CRTC3: variants seen among roughly 807,000 people sequenced by gnomAD.
CRTC3 encodes CREB regulated transcription coactivator 3.
A neutral mutation model predicts 74.5 loss-of-function variants in CRTC3; 26 were observed. The observed-to-expected ratio is 0.35, with a 90% CI of 0.26 to 0.48. The LOEUF is 0.48. Ranked by LOEUF, CRTC3 falls within the 20% of genes least tolerant of loss-of-function variation. The probability of loss-of-function intolerance (pLI) is 0.99; values close to 1 mark genes in which losing one functional copy is unlikely to be tolerated. For missense variants in CRTC3, 760 were observed against 787.3 expected (o/e 0.97, Z 0.41); for synonymous variants, 377 against 325.8 (o/e 1.16, Z -1.69).
chr15:90,566,454 G>A (rs1019301762), intron 2 of CRTC3, among the ~76,000 whole-genome samples: 5 of 151,716 alleles, frequency 3.3e-5, no homozygotes, highest in Admixed American at 2.6e-4. Context: ...GAAGGCTGAG[G>A]CAGGAGAATT....
intron 8 of CRTC3, 34 bp from the exon 9 acceptor site, chr15:90,619,707 G>GC: frequency 6.2e-7 from 1 of 1,605,720 alleles, no homozygotes; most frequent in African/African-American, 1.3e-5. Context: ...TGGCTTTACA[G>GC]CGAGTAAGCC....
At chr15:90,627,418 A>T (rs1203435014) in intron 10 of CRTC3, among the ~76,000 whole-genome samples, 1 of 152,074 alleles carries the variant, frequency 6.6e-6, no homozygotes, top group Non-Finnish European at 1.5e-5. Flanking sequence ...TGAATCCTCA[A>T]TGTATGAAGA....
At chr15:90,602,767 A>G (rs1968106274) in intron 4 of CRTC3, among the ~76,000 whole-genome samples, 1 of 152,098 alleles carries the variant, frequency 6.6e-6, no homozygotes, top group African/African-American at 2.4e-5. Flanking sequence ...CAAGGTCAGG[A>G]GATTGAGACC....
intron 2 of CRTC3, among the ~76,000 whole-genome samples, chr15:90,584,300 C>T (rs1049402389): frequency 1.3e-5 from 2 of 150,220 alleles, no homozygotes; most frequent in Admixed American, 6.6e-5. Context: ...TGCAGTGGCA[C>T]GATCTCAGCT....
chr15:90,615,971 T>C (rs1300946043), intron 7 of CRTC3, among the ~76,000 whole-genome samples: 1 of 152,046 alleles, frequency 6.6e-6, no homozygotes, highest in Non-Finnish European at 1.5e-5. Context: ...GCGATTCTCC[T>C]GCCTCAGCCT....
At chr15:90,535,161 C>CAAAAAA (rs34328900) in intron 1 of CRTC3, among the ~76,000 whole-genome samples, 1 of 128,372 alleles carries the variant, frequency 7.8e-6, no homozygotes, top group Non-Finnish European at 1.6e-5. Flanking sequence ...AACTCCGTCT[C>CAAAAAA]AAAAAAAAAA....
intron 2 of CRTC3, among the ~76,000 whole-genome samples, chr15:90,557,641 CCGGG>C (rs1966922494): frequency 1.3e-5 from 2 of 152,074 alleles, no homozygotes; most frequent in African/African-American, 2.4e-5. Flanking sequence ...ACAGACAGAG[CCGGG>C]TCTGTCTGGT....
chr15:90,581,601 A>G (rs1282898029), intron 2 of CRTC3, among the ~76,000 whole-genome samples: 4 of 152,204 alleles, frequency 2.6e-5, no homozygotes, highest in Admixed American at 2.0e-4. Flanking sequence ...CAGTATCATA[A>G]CTTTAATTAA....
chr15:90,547,889 C>CTTTTTT (rs34721161), intron 2 of CRTC3, among the ~76,000 whole-genome samples: 1 of 100,450 alleles, frequency 1.0e-5, no homozygotes. Context: ...TTTTCGTATC[C>CTTTTTT]TTTTTTTTTT....
intron 11 of CRTC3, among the ~76,000 whole-genome samples, chr15:90,633,095 A>C (rs1969101560): frequency 6.6e-6 from 1 of 152,212 alleles, no homozygotes; most frequent in East Asian, 1.9e-4. Flanking sequence ...TTTTGGTTAG[A>C]GCAATACTCA....
rs1033936507 is a variant in CRTC3 at position 90,530,917 on chromosome 15, C to T, written c.132+714C>T. On this transcript the variant is annotated intron_variant, in intron 1 of 14. Coordinates refer to ENST00000268184, the MANE Select transcript of CRTC3 (RefSeq NM_022769.5). This position sits in a 1 kb window ranked among gnomAD's most constrained non-coding sequence, Gnocchi z 6.2. ...CAAACACCTGGAGAGGTTAGGTAAC[C>T]GCTGAGTGAGGCAGTGGAGGATGGA... Among the ~76,000 whole-genome samples, 4 of 152,142 alleles carry T rather than the reference C, an allele frequency of 2.6e-5. No individual in the cohort carries two copies. The highest frequency in any genetic ancestry group is 4.8e-5 in the African/African-American group (2 of 41,420).
At chr15:90,574,802 CGT>C (rs1234703307) in intron 2 of CRTC3, among the ~76,000 whole-genome samples, 2 of 152,082 alleles carry the variant, frequency 1.3e-5, no homozygotes, top group Non-Finnish European at 2.9e-5. Flanking sequence ...TTATGAGTAA[CGT>C]GTGTTTTTTC....
intron 14 of CRTC3, 89 bp downstream of exon 14, chr15:90,641,288 T>C (rs1969432325): frequency 1.1e-6 from 1 of 909,640 alleles, no homozygotes; most frequent in East Asian, 2.6e-5. Context: ...AACATAATAT[T>C]ATATAAAGCA....
intron 1 of CRTC3, among the ~76,000 whole-genome samples, chr15:90,536,329 A>G (rs1283885725): frequency 3.3e-5 from 5 of 151,938 alleles, no homozygotes; most frequent in Non-Finnish European, 7.4e-5. Flanking sequence ...TGAGCCCAGG[A>G]ATTCTAGACC....
intron 3 of CRTC3, among the ~76,000 whole-genome samples, chr15:90,601,016 C>A (rs1443716488): frequency 6.6e-6 from 1 of 152,152 alleles, no homozygotes; most frequent in African/African-American, 2.4e-5. Flanking sequence ...CAGAAGAGAC[C>A]ATTGTCCCCA....
In CRTC3 at chr15:90,598,657, G is replaced by A. The variant is rs576609009; in HGVS notation, c.352-3667G>A. 189 of 623,032 alleles carry A rather than the reference G, an allele frequency of 3.0e-4. No homozygotes were observed. In the African/African-American group the frequency reaches 3.3e-3, roughly 11 times the overall value. 38.6% of individuals were successfully genotyped at this position (623,032 alleles called of 1,614,324 possible). A position where few individuals can be genotyped will look rare whatever the true frequency, so the allele number is the denominator to read the frequency against. On this transcript the variant is annotated intron_variant, in intron 3 of 14. Transcript: ENST00000268184. ...GAACAGATTAAGGGGACAGTGATTG[G>A]TTGGATTTTTGGTAGAATTTGAGCT... is the stretch of plus-strand genomic sequence containing the variant.
At chr15:90,545,813 T>C (rs553652364) in intron 2 of CRTC3, among the ~76,000 whole-genome samples, 2,412 of 152,004 alleles carry the variant, frequency 0.016, 18 homozygotes, top group African/African-American at 0.022. Context: ...CTCCTGACTT[T>C]GTGATCCGCC....
chr15:90,641,460 G>C (rs1411959261), intron 14 of CRTC3, among the ~76,000 whole-genome samples: 1 of 152,096 alleles, frequency 6.6e-6, no homozygotes, highest in African/African-American at 2.4e-5. Context: ...CACTTTGGGA[G>C]GCCGAGGTGG....
chr15:90,628,458 T>A (rs78641515), intron 10 of CRTC3, among the ~76,000 whole-genome samples: 1 of 152,152 alleles, frequency 6.6e-6, no homozygotes, highest in East Asian at 1.9e-4. Context: ...TGGGCGAACC[T>A]GCTCCATGCC....
Sources: gnomAD v4.1 joint callset for allele counts (sites outside exome capture counted in the v4.1 genomes callset) on GRCh38, gnomAD v4.1.1 for gene constraint, Gnocchi (gnomAD v3.1) non-coding constraint, MANE v1.5 for transcripts, NCBI Gene and HGNC (gene_info 2026-07-23, HGNC 2026-07-21) for gene names.